NR2C1: variants seen among roughly 807,000 people sequenced by gnomAD.
NR2C1 encodes the protein nuclear receptor subfamily 2 group C member 1.
NR2C1 carries 33 observed loss-of-function variants against 74.8 expected under a neutral mutation model. That is an observed-to-expected ratio of 0.44 (90% CI 0.33 to 0.59). The LOEUF (loss-of-function observed/expected upper bound fraction) is 0.59, where lower values mean the gene tolerates loss of function less well. NR2C1 is among the 20% of genes least tolerant of loss of function. The pLI is 0.02. For synonymous variants in NR2C1, 225 were observed against 240.6 expected, an observed-to-expected ratio of 0.94 and a Z score of 0.60; for missense variants, 568 against 715.6, an observed-to-expected ratio of 0.79 and a Z score of 2.35.
intron 7 of NR2C1, 86 bp from the exon 8 acceptor site, chr12:95,052,029 C>A: frequency 3.6e-6 from 3 of 841,942 alleles, no homozygotes; most frequent in South Asian, 2.3e-5. Context: ...TTATGATATG[C>A]CAACAAAAGA....
chr12:95,059,149 A>G (rs1349227941), intron 4 of NR2C1, among the ~76,000 whole-genome samples: 1 of 151,640 alleles, frequency 6.6e-6, no homozygotes, highest in East Asian at 2.0e-4. Flanking sequence ...TGAAAATACA[A>G]AAATTAGCAG....
intron 11 of NR2C1, 21 bp downstream of exon 11, chr12:95,031,328 G>T: frequency 1.3e-6 from 2 of 1,553,670 alleles, no homozygotes; most frequent in South Asian, 1.3e-5. Context: ...ACCTGGAAAA[G>T]GTAAGGAAGG....
At chr12:95,036,244 A>G (rs1698629256) in intron 10 of NR2C1, among the ~76,000 whole-genome samples, 2 of 149,006 alleles carry the variant, frequency 1.3e-5, no homozygotes, top group Admixed American at 1.4e-4. Flanking sequence ...TCACTAAGGC[A>G]TCTAAAAAGC....
chr12:95,057,700 G>C (rs977184876), intron 6 of NR2C1, 31 bp downstream of exon 6: 2 of 1,612,540 alleles, frequency 1.2e-6, no homozygotes, highest in Admixed American at 3.3e-5. Flanking sequence ...AAAACAAAAT[G>C]ACCAGCTACT....
chr12:95,063,330 G>A (rs1197326549), intron 2 of NR2C1, among the ~76,000 whole-genome samples: 2 of 152,186 alleles, frequency 1.3e-5, no homozygotes, highest in Non-Finnish European at 2.9e-5. Context: ...CAGGGCAGGA[G>A]GGAGGTGTTT....
chr12:95,072,455 CAAAAAAAAAAAAAA>C, intron 1 of NR2C1, among the ~76,000 whole-genome samples: 1 of 60,280 alleles, frequency 1.7e-5, no homozygotes, highest in East Asian at 5.3e-4. Flanking sequence ...CTCTCCCTCT[CAAAAAAAAAAAAAA>C]AAAAAGAAAA....
intron 2 of NR2C1, chr12:95,067,011 G>C: frequency 2.9e-6 from 1 of 348,846 alleles, no homozygotes; most frequent in Non-Finnish European, 5.2e-6. Context: ...ACTAGGCTCA[G>C]ATTGTACCCT....
chr12:95,073,211 C>A (rs527432934), intron 1 of NR2C1, among the ~76,000 whole-genome samples, 169 bp downstream of exon 1: 1 of 152,340 alleles, frequency 6.6e-6, no homozygotes, highest in Non-Finnish European at 1.5e-5. Context: ...CGCTCCCAGC[C>A]GAAGTCGAGC....
chr12:95,069,954 G>A (rs1381048043), intron 1 of NR2C1, among the ~76,000 whole-genome samples: 5 of 152,138 alleles, frequency 3.3e-5, no homozygotes, highest in African/African-American at 9.7e-5. Flanking sequence ...GGATAATAAA[G>A]ATGGTCTCTA....
At position 95,028,500 on chromosome 12, in the gene NR2C1, TTTC is replaced by T; in HGVS notation, c.1415_1417del (p.Arg472del). On this transcript the variant is annotated inframe_deletion, in exon 12 of 14. Coordinates refer to ENST00000333003, the MANE Select transcript of NR2C1 (RefSeq NM_003297.4). ...TTTGAAGATGTGCTCCATCAATAAT[TTTC>T]TTCTTTCTGTTGACATTTTATCTTT... 6.4e-7 allele frequency: 1 copy of T among 1,563,634 alleles called. No homozygotes were observed. The highest frequency in any genetic ancestry group is 8.8e-7 in the Non-Finnish European group (1 of 1,141,172).
intron 9 of NR2C1, among the ~76,000 whole-genome samples, chr12:95,045,194 T>C (rs780725776): frequency 2.6e-5 from 4 of 152,196 alleles, no homozygotes; most frequent in African/African-American, 4.8e-5. Flanking sequence ...AGTGCTATTG[T>C]CTCAGTGGAA....
chr12:95,037,112 TGG>T (rs1394477233), intron 10 of NR2C1, among the ~76,000 whole-genome samples: 1 of 152,214 alleles, frequency 6.6e-6, no homozygotes, highest in Non-Finnish European at 1.5e-5. Flanking sequence ...AAGTCTCCTG[TGG>T]TAAACGGTGG....
At chr12:95,054,323 G>C (rs1296237740) in intron 7 of NR2C1, among the ~76,000 whole-genome samples, 1 of 150,254 alleles carries the variant, frequency 6.7e-6, no homozygotes, top group Non-Finnish European at 1.5e-5. Context: ...TTAAGAGACA[G>C]TGTTTTTTAG....
At chr12:95,048,495 G>A (rs376072294) in intron 9 of NR2C1, among the ~76,000 whole-genome samples, 2 of 152,060 alleles carry the variant, frequency 1.3e-5, no homozygotes, top group South Asian at 4.1e-4. Context: ...GCTTTATTAC[G>A]CCATTATCTT....
chr12:95,071,232 T>C (rs967554022), intron 1 of NR2C1, among the ~76,000 whole-genome samples: 7 of 151,590 alleles, frequency 4.6e-5, no homozygotes, highest in Middle Eastern at 3.4e-3. Flanking sequence ...TTGATTCAAA[T>C]AGTTTTTTAC....
chr12:95,048,622 G>GC (rs1432439180), intron 9 of NR2C1, among the ~76,000 whole-genome samples: 16,417 of 130,388 alleles, frequency 0.13, 1,520 homozygotes, highest in African/African-American at 0.27. Flanking sequence ...ATGCAGATGA[G>GC]TTTTTTTTTT....
intron 11 of NR2C1, chr12:95,030,471 GTAATT>G (rs778289143): frequency 6.0e-6 from 9 of 1,497,084 alleles, no homozygotes; most frequent in Non-Finnish European, 8.0e-6. Flanking sequence ...CCATCCATTA[GTAATT>G]AGTCAACCAT....
At chr12:95,037,882 G>A (rs185560938) in intron 10 of NR2C1, among the ~76,000 whole-genome samples, 274 of 133,678 alleles carry the variant, frequency 2.0e-3, no homozygotes, top group Middle Eastern at 5.0e-3. Context: ...GCGACAGAGC[G>A]AGCCTCCATC....
At chr12:95,045,332 A>G (rs1872177438) in intron 9 of NR2C1, among the ~76,000 whole-genome samples, 1 of 152,210 alleles carries the variant, frequency 6.6e-6, no homozygotes, top group Admixed American at 6.5e-5. Flanking sequence ...GACCGGACTT[A>G]ATTTCATAAC....
Sources: allele counts gnomAD v4.1 joint callset (sites outside exome capture counted in the v4.1 genomes callset), GRCh38; gene constraint gnomAD v4.1.1; transcripts MANE v1.5; gene names NCBI Gene and HGNC (gene_info 2026-07-23, HGNC 2026-07-21).